The following L1CAM variants were observed in gnomAD, a reference collection of about 807,000 sequenced individuals.
L1CAM encodes the protein neural cell adhesion molecule L1.
A neutral mutation model predicts 93.0 loss-of-function variants in L1CAM; 8 were observed. The ratio of observed to expected loss-of-function variants is 0.09; its 90% CI spans 0.05 to 0.16. The LOEUF is 0.16. L1CAM is among the 10% of genes least tolerant of loss of function. The pLI, the probability that L1CAM is intolerant of heterozygous loss-of-function variation, is 1.00. For synonymous variants in L1CAM, 453 were observed against 453.0 expected, an observed-to-expected ratio of 1.00 and a Z score of 0.00; for missense variants, 777 against 1,073.4, an observed-to-expected ratio of 0.72 and a Z score of 3.86.
intron 16 of L1CAM, 22 bp downstream of exon 16, chrX:153,867,778 G>T: frequency 8.6e-7 from 1 of 1,165,889 alleles, no homozygotes; most frequent in Non-Finnish European, 1.2e-6. Flanking sequence ...CGGTGGGGTG[G>T]CACTGAGCTC....
chrX:153,883,217 C>T (rs1173968363), intron 1 of L1CAM, among the ~76,000 whole-genome samples: 4 of 110,570 alleles, frequency 3.6e-5, no homozygotes, highest in Non-Finnish European at 7.6e-5. Context: ...AGGAGCAGAG[C>T]GGTGGAAGAC....
Position 153,869,836 on chromosome X carries a change from C to T in L1CAM, c.1090G>A (p.Val364Ile). The T allele has an allele frequency of 8.3e-7, 1 of 1,211,131 alleles. No individual in the cohort carries two copies. Among genetic ancestry groups the T allele is most frequent in the Non-Finnish European group, 1.1e-6 (1 of 895,245 alleles). ...CQVQGRPQPE[V>I]TWRINGIPVE... ...GGGATCCCGTTGATTCTCCAGGTGACCTCTGGTTGGGGCCTGCCCTGGACT... is the reference window on the plus strand; with the variant it reads ...GGGATCCCGTTGATTCTCCAGGTGATCTCTGGTTGGGGCCTGCCCTGGACT... Residue 364 changes from valine to isoleucine, a missense_variant, in exon 10 of 29, where the codon GTC (valine) becomes ATC (isoleucine). Coordinates refer to ENST00000370060, the MANE Select transcript of L1CAM (RefSeq NM_001278116.2).
Position 153,862,875 on chromosome X carries a change from A to T in L1CAM, c.3562T>A (p.Phe1188Ile). Residue 1188 changes from phenylalanine to isoleucine, a missense_variant, in exon 29 of 29, where the codon TTT (phenylalanine) becomes ATT (isoleucine). Transcript: ENST00000370060. ...TTGAGCGATGGCTGGCTGCTGCCAA[A>T]GGCCTTCTCCTCGTTGTCACTGCAG... Reference protein sequence around the residue: ...SLESDNEEKAFGSSQPSLNGD... With the variant: ...SLESDNEEKAIGSSQPSLNGD... The T allele has an allele frequency of 8.3e-7, 1 of 1,211,052 alleles. No homozygotes were observed.
intron 22 of L1CAM, 47 bp from the exon 23 acceptor site, chrX:153,865,041 C>A (rs2064699536): frequency 8.3e-7 from 1 of 1,210,619 alleles, no homozygotes; most frequent in South Asian, 1.8e-5. Flanking sequence ...TCTGCCCCCT[C>A]CCCGTGGCCC....
At chrX:153,863,775 C>T in intron 26 of L1CAM, 108 bp downstream of exon 26, 2 of 1,099,199 alleles carry the variant, frequency 1.8e-6, no homozygotes, top group Non-Finnish European at 2.5e-6. Flanking sequence ...CGCCTGTCAT[C>T]TTGTGGGGAG....
intron 25 of L1CAM, 40 bp downstream of exon 25, chrX:153,864,282 T>C (rs2064690977): frequency 8.3e-7 from 1 of 1,199,183 alleles, no homozygotes; most frequent in Middle Eastern, 2.7e-4. Context: ...GCAGCCCCCA[T>C]GCTTCCCTGG....
At chrX:153,885,088 C>T (rs1237639392) in intron 1 of L1CAM, among the ~76,000 whole-genome samples, 5 of 112,564 alleles carry the variant, frequency 4.4e-5, no homozygotes, top group African/African-American at 6.5e-5. Flanking sequence ...GATTGTAGTG[C>T]GTGTTCTTTG....
At position 153,869,441 on chromosome X, in the gene L1CAM, T is replaced by C. The variant is rs1354258483; in HGVS notation, c.1267+79A>G. ...GGCCGAGGACACATCAGCTGCCAGC[T>C]GAGCCACTCTGGTGGCCTGGCCCAG... On this transcript the variant is annotated intron_variant, in intron 11 of 28. Transcript: ENST00000370060. 3.0e-5 allele frequency: 34 copies of C among 1,122,089 alleles called. No homozygotes were observed. In the Admixed American group the frequency reaches 7.5e-4, roughly 25 times the overall value. 92.5% of individuals were successfully genotyped at this position (1,122,089 alleles called of 1,213,427 possible). A position where few individuals can be genotyped will look rare whatever the true frequency, so the allele number is the denominator to read the frequency against.
rs1350164407 is a variant in L1CAM, at chrX:153,875,566, C to A, written c.76+195G>T. ...CCTGTCCCTGTCCATGGTCCTGACA[C>A]GCCCCGCACCTTCTACCCTGCCCTT... On this transcript the variant is annotated intron_variant, in intron 2 of 28. Transcript: ENST00000370060. 17 of 514,715 alleles carry A rather than the reference C, an allele frequency of 3.3e-5. No individual in the cohort carries two copies. The Admixed American group carries it at 4.5e-4, about 14-fold the overall frequency. The allele number at this position is 514,715 out of a possible 1,213,427, so 42.4% of individuals were successfully genotyped here.
chrX:153,863,571 G>A, intron 26 of L1CAM, 22 bp from the exon 27 acceptor site: 2 of 1,181,973 alleles, frequency 1.7e-6, no homozygotes, highest in Non-Finnish European at 1.1e-6. Flanking sequence ...GAGAGGGACA[G>A]CTTCTTCTCC....
rs1285808993 is a variant in L1CAM, at chrX:153,864,601, C to A, written c.3150G>T (p.Leu1050Phe). 1 of 1,202,732 alleles carries A rather than the reference C, an allele frequency of 8.3e-7. No homozygotes were observed. Among genetic ancestry groups the A allele is most frequent in the Non-Finnish European group, 1.1e-6 (1 of 890,040 alleles). ...EGQCNFRFHILFKALGEEKGG... is the reference protein window; with the variant it reads ...EGQCNFRFHIFFKALGEEKGG... Reference sequence around the variant, plus strand: ...CACGCTTACCTCCCAAGGCTTTGAACAAGATATGGAACCTGAAGTTGCACT... The same window carrying A: ...CACGCTTACCTCCCAAGGCTTTGAAAAAGATATGGAACCTGAAGTTGCACT... The change falls in exon 24 of 29, where the codon TTG becomes TTT. Residue 1050 changes from leucine to phenylalanine, a missense_variant. Coordinates refer to ENST00000370060, the MANE Select transcript of L1CAM (RefSeq NM_001278116.2).
chrX:153,865,497 T>C lies in L1CAM; in HGVS notation c.2551A>G (p.Thr851Ala). 8.3e-7 allele frequency: 1 copy of C among 1,209,731 alleles called. No individual in the cohort carries two copies. The highest frequency in any genetic ancestry group is 1.1e-6 in the Non-Finnish European group (1 of 894,074). Residue 851 changes from threonine to alanine, a missense_variant, in exon 21 of 29, where the codon ACG (threonine) becomes GCG (alanine). Around this residue, in one of 5 missense-constraint regions of L1CAM, gnomAD observed 574 missense variants for 781.0 expected, o/e 0.73. Transcript: ENST00000370060. ...VKGHLRGYNV[T>A]YWREGSQRKH... ...CTCTGACTGCCCTCCCTCCAGTACG[T>C]CACCTGCACAAGCGAACAGGAGACC...
chrX:153,883,786 G>C (rs1557096241), intron 1 of L1CAM: 2 of 342,985 alleles, frequency 5.8e-6, no homozygotes, highest in Admixed American at 3.1e-5. Flanking sequence ...GTTCTCCCAT[G>C]AACGTGCCCT....
rs782703319 is a variant in L1CAM at position 153,883,369 on chromosome X, AAGG to A, written c.-109+2693_-109+2695del. Among the ~76,000 whole-genome samples, 181 of 108,293 alleles carry A rather than the reference AAGG, an allele frequency of 1.7e-3. 2 individuals carry two copies. The highest frequency in any genetic ancestry group is 1.6e-3 in the Non-Finnish European group (83 of 51,835). The allele number at this position is 108,293 out of a possible 115,157, so 94.0% of individuals were successfully genotyped here. On this transcript the variant is annotated intron_variant, in intron 1 of 28. Coordinates refer to ENST00000370060, the MANE Select transcript of L1CAM (RefSeq NM_001278116.2). The stretch of plus-strand genomic sequence containing the variant: ...CCGGCAGCAGCAGGCTTCTGCCTAG[AAGG>A]AGGAGGAAGGTGATGGCCCTGGGGG...
At chrX:153,869,078 C>G (rs1322382119) in intron 11 of L1CAM, 126 bp from the exon 12 acceptor site, 5 of 545,633 alleles carry the variant, frequency 9.2e-6, no homozygotes, top group Non-Finnish European at 1.6e-5. Flanking sequence ...TCCCTGCTCC[C>G]AGCTGAGGCC....
chrX:153,865,203 G>T lies in L1CAM; in HGVS notation c.2757C>A (p.Gly919=). The change falls in exon 22 of 29, where the codon GGC becomes GGA. Residue 919 remains glycine (G), a synonymous_variant. Transcript: ENST00000370060. ...ACTCCAGGTGCAACGCCTCGGGGTGGCCAGGCACTGCAGGGCACAGAACCG... is the reference window on the plus strand; with the variant it reads ...ACTCCAGGTGCAACGCCTCGGGGTGTCCAGGCACTGCAGGGCACAGAACCG... ...FTFSTPEGVP[G]HPEALHLECQ... is the part of the protein sequence containing the mutation. 1 of 1,209,198 alleles carries T rather than the reference G, an allele frequency of 8.3e-7. No individual in the cohort carries two copies.
chrX:153,867,545 T>C lies in L1CAM; in HGVS notation c.1948A>G (p.Ile650Val). 8.3e-7 allele frequency: 1 copy of C among 1,208,211 alleles called. No homozygotes were observed. The highest frequency in any genetic ancestry group is 1.1e-6 in the Non-Finnish European group (1 of 892,276). Residue 650 changes from isoleucine (I) to valine (V), a missense_variant, in exon 17 of 29, where the codon ATT (isoleucine) becomes GTT (valine). This residue lies in a region of L1CAM where 574 missense variants were observed against 781.0 expected (regional missense o/e 0.73). Coordinates refer to ENST00000370060, the MANE Select transcript of L1CAM (RefSeq NM_001278116.2). ...DHNAPIEKYD[I>V]EFEDKEMAPE... ...GCCATTTCCTTGTCCTCAAATTCAA[T>C]GTCATATTCTGCCAAGAAATGAACC...
At position 153,866,654 on chromosome X, in the gene L1CAM, T is replaced by C; in HGVS notation, c.2426A>G (p.Glu809Gly). The change falls in exon 19 of 29, where the codon GAG becomes GGG. Residue 809 changes from glutamate to glycine, a missense_variant. By Grantham distance (98) the Glu-to-Gly change is moderately conservative (BLOSUM62 -2). Around this residue, in one of 5 missense-constraint regions of L1CAM, gnomAD observed 574 missense variants for 781.0 expected, o/e 0.73. Coordinates refer to ENST00000370060, the MANE Select transcript of L1CAM (RefSeq NM_001278116.2). ...GGGCCCTGCCGGATACTCACAGTCCTCTCCAGAGTAGCCGATAGTGACCTG... is the reference window on the plus strand; with the variant it reads ...GGGCCCTGCCGGATACTCACAGTCCCCTCCAGAGTAGCCGATAGTGACCTG... ...EPQVTIGYSGEDYPQAIPELE... is the reference protein window; with the variant it reads ...EPQVTIGYSGGDYPQAIPELE... 2 of 1,206,765 alleles carry C rather than the reference T, an allele frequency of 1.7e-6. No homozygotes were observed. Among genetic ancestry groups the C allele is most frequent in the Non-Finnish European group, 2.2e-6 (2 of 890,956 alleles).
At chrX:153,870,578 C>G in intron 7 of L1CAM, 79 bp from the exon 8 acceptor site, 4 of 893,651 alleles carry the variant, frequency 4.5e-6, no homozygotes, top group Non-Finnish European at 4.8e-6. Flanking sequence ...ACTCGACACT[C>G]CAGCCAGCCC....
Sources: allele counts gnomAD v4.1 joint callset (sites outside exome capture counted in the v4.1 genomes callset), GRCh38; gene constraint gnomAD v4.1.1; regional missense constraint gnomAD v4.1.1; transcripts MANE v1.5; gene names NCBI Gene and HGNC (gene_info 2026-07-23, HGNC 2026-07-21).